Variants in ADCY9 observed in about 807,000 individuals in gnomAD.
ADCY9 encodes the protein adenylate cyclase type 9.
In ADCY9, 50 loss-of-function variants were observed where a neutral mutation model predicts 101.5. The observed-to-expected ratio is 0.49, with a 90% CI of 0.39 to 0.62. The LOEUF (loss-of-function observed/expected upper bound fraction) is 0.62. Among genes scored for constraint, ADCY9 ranks in the 20% least tolerant of loss-of-function variants. The pLI is 0.00. For synonymous variants in ADCY9, 905 were observed against 769.3 expected (o/e 1.18, Z -2.92); for missense variants, 1,662 against 1,800.4 (o/e 0.92, Z 1.39).
chr16:3,982,651 T>C (rs1402059899), intron 7 of ADCY9: 1 of 153,600 alleles, frequency 6.5e-6, no homozygotes, highest in Non-Finnish European at 1.4e-5. Flanking sequence ...TTATCCATTC[T>C]AGATGTTAGA....
At chr16:3,988,349 G>C (rs72762733) in intron 6 of ADCY9, among the ~76,000 whole-genome samples, 17,920 of 151,754 alleles carry the variant, frequency 0.12, 1,242 homozygotes, top group South Asian at 0.33. Context: ...GAAGAAAGCA[G>C]GGAGGGCAAC....
intron 2 of ADCY9, among the ~76,000 whole-genome samples, chr16:4,081,521 T>A (rs999513545): frequency 7.0e-4 from 107 of 152,344 alleles, no homozygotes; most frequent in African/African-American, 2.5e-3. Flanking sequence ...AGGTGACTAT[T>A]AAAGAAATAA....
chr16:4,039,577 G>A lies in ADCY9; in HGVS notation c.1694-32019C>T, dbSNP rs929736065. 5.3e-5 allele frequency among the ~76,000 whole-genome samples: 8 copies of A among 151,104 alleles called. No homozygotes were observed. In the South Asian group the frequency reaches 1.3e-3, roughly 24 times the overall value. ...ATCTGTAATCTCAACTACTCGGGAC[G>A]CTGAGATAGGAGAATCACTTGAACC... On this transcript the variant is annotated intron_variant, in intron 2 of 10. Transcript: ENST00000294016.
intron 2 of ADCY9, among the ~76,000 whole-genome samples, chr16:4,084,808 T>C (rs1299697844): frequency 1.3e-5 from 2 of 152,110 alleles, no homozygotes; most frequent in Non-Finnish European, 2.9e-5. Context: ...ATAGCCAAAC[T>C]GAGCCGCCTG....
In ADCY9 at chr16:4,113,777, G is replaced by C; in HGVS notation, c.1666C>G (p.Gln556Glu). The C allele has an allele frequency of 6.2e-7, 1 of 1,613,688 alleles. No homozygotes were observed. Among genetic ancestry groups the C allele is most frequent in the Non-Finnish European group, 8.5e-7 (1 of 1,179,738 alleles). ...EDGKVIERLG[Q>E]SVVADQLKGL... is the part of the protein sequence containing the mutation. The stretch of plus-strand genomic sequence containing the variant: ...TTCAACTGGTCAGCAACCACGCTCT[G>C]GCCCAGCCGTTCAATAACTTTCCCA... Residue 556 changes from glutamine (Q) to glutamate (E), a missense_variant, in exon 2 of 11, where the codon CAG (glutamine) becomes GAG (glutamate). Physicochemically the swap from Gln to Glu is conservative, Grantham distance 29 (BLOSUM62 2). Around this residue, in one of 5 missense-constraint regions of ADCY9, gnomAD observed 624 missense variants for 639.1 expected, o/e 0.98. Transcript: ENST00000294016.
chr16:4,043,105 A>C (rs979318001), intron 2 of ADCY9, among the ~76,000 whole-genome samples: 30 of 151,952 alleles, frequency 2.0e-4, no homozygotes, highest in African/African-American at 6.5e-4. Flanking sequence ...GTGGCGGGCG[A>C]CTGAAGTCCC....
rs116122319 is a variant in ADCY9, at chr16:4,029,640, G to A, written c.1694-22082C>T. Among the ~76,000 whole-genome samples the A allele has an allele frequency of 9.4e-3, 1,438 of 152,284 alleles. 27 individuals carry two copies. The highest frequency in any genetic ancestry group is 0.033 in the African/African-American group (1,366 of 41,566). Reference sequence around the variant, plus strand: ...CACGTGCCTGTAATCCCAGCTACTGGGGAGACTGAGGCAAAAGAATGTTGA... The same window carrying A: ...CACGTGCCTGTAATCCCAGCTACTGAGGAGACTGAGGCAAAAGAATGTTGA... On this transcript the variant is annotated intron_variant, in intron 2 of 10. Transcript: ENST00000294016.
intron 2 of ADCY9, among the ~76,000 whole-genome samples, chr16:4,075,766 G>T (rs1053768764): frequency 1.3e-5 from 2 of 152,112 alleles, no homozygotes; most frequent in African/African-American, 2.4e-5. Context: ...AGGCGGGAGG[G>T]CTCAGGAAAA....
At chr16:3,957,628 C>G (rs933970579) in intron 5 of ADCY9, among the ~76,000 whole-genome samples, 14 of 151,902 alleles carry the variant, frequency 9.2e-5, no homozygotes, top group Admixed American at 2.0e-4. Flanking sequence ...CTGGGCTGAG[C>G]TGAGACCCGA....
At chr16:4,109,412 G>A (rs1396859660) in intron 2 of ADCY9, among the ~76,000 whole-genome samples, 1 of 152,150 alleles carries the variant, frequency 6.6e-6, no homozygotes, top group Non-Finnish European at 1.5e-5. Flanking sequence ...GTTTACGGCT[G>A]TATTGCCAGA....
intron 2 of ADCY9, among the ~76,000 whole-genome samples, chr16:4,058,085 G>C (rs1260461941): frequency 6.6e-6 from 1 of 151,688 alleles, no homozygotes; most frequent in Admixed American, 6.6e-5. Flanking sequence ...CTTGAACCCA[G>C]GAGGTGGAGG....
chr16:4,029,051 G>C (rs867096808), intron 2 of ADCY9, among the ~76,000 whole-genome samples: 1 of 152,092 alleles, frequency 6.6e-6, no homozygotes, highest in Non-Finnish European at 1.5e-5. Context: ...CCAAAGTGCT[G>C]GGATTACAGA....
intron 2 of ADCY9, among the ~76,000 whole-genome samples, chr16:4,026,232 G>A (rs965730455): frequency 3.3e-5 from 5 of 151,988 alleles, no homozygotes; most frequent in Non-Finnish European, 7.4e-5. Context: ...TGAGACCAGC[G>A]TAGGCAACAT....
intron 3 of ADCY9, among the ~76,000 whole-genome samples, chr16:3,997,501 A>C (rs1317466686): frequency 6.6e-6 from 1 of 152,224 alleles, no homozygotes; most frequent in East Asian, 1.9e-4. Flanking sequence ...CAGTGATAAG[A>C]AGTTCTGATA....
chr16:3,954,342 G>C (rs531329084), intron 5 of ADCY9, among the ~76,000 whole-genome samples: 4 of 152,192 alleles, frequency 2.6e-5, no homozygotes, highest in Non-Finnish European at 5.9e-5. Flanking sequence ...ATTCCAATTG[G>C]TGGGATTGGG....
chr16:3,973,289 C>T (rs2056068001), intron 10 of ADCY9, among the ~76,000 whole-genome samples: 1 of 151,976 alleles, frequency 6.6e-6, no homozygotes, highest in Non-Finnish European at 1.5e-5. Context: ...CTCACTGCAA[C>T]CTCCGCTTCC....
At chr16:3,984,876 A>C (rs1483028397) in intron 6 of ADCY9, among the ~76,000 whole-genome samples, 1 of 152,188 alleles carries the variant, frequency 6.6e-6, no homozygotes, top group Non-Finnish European at 1.5e-5. Context: ...TCTTTGGGAC[A>C]AACCAGCTCC....
chr16:4,083,923 G>C (rs984511381), intron 2 of ADCY9, among the ~76,000 whole-genome samples: 3 of 152,184 alleles, frequency 2.0e-5, no homozygotes, highest in African/African-American at 7.2e-5. Flanking sequence ...CAAATTGTCT[G>C]TAGTGATGGA....
chr16:4,106,457 A>C (rs1163043148), intron 2 of ADCY9, among the ~76,000 whole-genome samples: 1 of 152,112 alleles, frequency 6.6e-6, no homozygotes. Context: ...TCCTGTTTCA[A>C]AAACTCTCAT....
Sources: gnomAD v4.1 joint callset for allele counts (sites outside exome capture counted in the v4.1 genomes callset) on GRCh38, gnomAD v4.1.1 for gene constraint, gnomAD v4.1.1 regional missense constraint, MANE v1.5 for transcripts, NCBI Gene and HGNC (gene_info 2026-07-23, HGNC 2026-07-21) for gene names.